JAK1: variants seen among roughly 807,000 people sequenced by gnomAD.
The protein encoded by JAK1 is Janus kinase 1, also known as tyrosine-protein kinase JAK1.
Under a neutral mutation model 136.6 loss-of-function variants are expected in JAK1, and 16 were observed. The ratio of observed to expected loss-of-function variants is 0.12; its 90% confidence interval spans 0.08 to 0.18. JAK1 has a LOEUF of 0.18. Ranked by LOEUF, JAK1 falls within the 10% of genes least tolerant of loss-of-function variation. The pLI, the probability that JAK1 is intolerant of heterozygous loss-of-function variation, is 1.00. For missense variants in JAK1, 859 were observed against 1,450.1 expected, an observed-to-expected ratio of 0.59 and a Z score of 6.62; for synonymous variants, 492 against 519.5, an observed-to-expected ratio of 0.95 and a Z score of 0.72.
chr1:64,835,588 C>A, intron 23 of JAK1, 82 bp from the exon 24 acceptor site: 1 of 829,092 alleles, frequency 1.2e-6, no homozygotes, highest in Non-Finnish European at 2.0e-6. Context: ...GAAATTTCTA[C>A]AATCAACTGG....
upstream of JAK1, among the ~76,000 whole-genome samples, chr1:64,968,590 A>G (rs1313768085): frequency 6.6e-6 from 1 of 151,898 alleles, no homozygotes; most frequent in Non-Finnish European, 1.5e-5. Flanking sequence ...GGAGTTTGAC[A>G]CCAACTTGGG....
At chr1:64,845,184 G>A (rs905062634) in intron 15 of JAK1, among the ~76,000 whole-genome samples, 5 of 152,128 alleles carry the variant, frequency 3.3e-5, no homozygotes, top group East Asian at 1.9e-4. Context: ...CACTCCACAC[G>A]TCAGCTACTA....
chr1:65,033,941 T>C (rs1051660051), intron 2 of JAK1, among the ~76,000 whole-genome samples: 15 of 152,180 alleles, frequency 9.9e-5, no homozygotes, highest in Non-Finnish European at 1.5e-5. Context: ...CTTGTGTAAT[T>C]GTAATAAGGA....
intron 1 of JAK1, among the ~76,000 whole-genome samples, chr1:64,957,217 AAC>A (rs915054577): frequency 2.7e-4 from 41 of 152,260 alleles, no homozygotes; most frequent in Admixed American, 8.5e-4. Flanking sequence ...CTCTAGGGGC[AAC>A]AGTGAGTGGA....
chr1:64,910,155 T>C (rs552405273), intron 1 of JAK1, among the ~76,000 whole-genome samples: 1 of 152,328 alleles, frequency 6.6e-6, no homozygotes, highest in South Asian at 2.1e-4. Flanking sequence ...ACCCACAAGA[T>C]TCCAAGGCAG....
intron 7 of JAK1, among the ~76,000 whole-genome samples, chr1:64,866,360 C>CCT (rs1273064188): frequency 6.6e-6 from 1 of 152,174 alleles, no homozygotes; most frequent in Non-Finnish European, 1.5e-5. Flanking sequence ...ATAAATATCT[C>CCT]ATAAAGAAGC....
chr1:64,931,147 T>TA (rs1423696919), intron 1 of JAK1, among the ~76,000 whole-genome samples: 9 of 151,900 alleles, frequency 5.9e-5, no homozygotes, highest in Admixed American at 2.6e-4. Context: ...TAATGTATAA[T>TA]AAAAAAAATA....
At position 65,045,601 on chromosome 1, in the gene JAK1, G is replaced by C. The variant is rs183504879; in HGVS notation, c.-180-1019C>G. 1.6e-3 allele frequency among the ~76,000 whole-genome samples: 251 copies of C among 152,286 alleles called. 5 individuals carry two copies. The highest frequency in any genetic ancestry group is 0.016 in the Admixed American group (246 of 15,296). ...GCCACAGTTTCTGCATCTGTGCAAT[G>C]GTGATGATGACAGTGCCCTCCTCAT... is the stretch of plus-strand genomic sequence containing the variant. On this transcript the variant is annotated intron_variant, in intron 1 of 25. Coordinates refer to the JAK1 transcript ENST00000671954.
At chr1:65,052,783 C>T (rs180947573) in intron 1 of JAK1, among the ~76,000 whole-genome samples, 1 of 147,920 alleles carries the variant, frequency 6.8e-6, no homozygotes, top group East Asian at 2.0e-4. Flanking sequence ...CACTGCACTC[C>T]AGCCTGGGCG....
At chr1:64,847,429 C>G (rs557968696) in intron 13 of JAK1, 103 bp downstream of exon 13, 3 of 1,413,912 alleles carry the variant, frequency 2.1e-6, no homozygotes, top group African/African-American at 1.4e-5. Flanking sequence ...AGTTTGAAAA[C>G]CACTGGGCCA....
rs578039719 is a variant in JAK1 at position 64,848,325 on chromosome 1, A to G, written c.1756-650T>C. ...GAAGCCCTCTGGCACAGGTAGGCAC[A>G]GTTTCTCACACTGGAACCATCTGTT... On this transcript the variant is annotated intron_variant, in intron 12 of 24. Coordinates refer to ENST00000342505, the MANE Select transcript of JAK1 (RefSeq NM_002227.4). Among the ~76,000 whole-genome samples the G allele has an allele frequency of 6.6e-5, 10 of 152,330 alleles. No homozygotes were observed. The South Asian group carries it at 2.1e-3, about 32-fold the overall frequency.
In JAK1 at chr1:64,913,802, G is replaced by C. The variant is rs544407718; in HGVS notation, c.-77-27461C>G. On this transcript the variant is annotated intron_variant, in intron 1 of 24. Transcript: ENST00000342505. ...CTCCATATAAGGGTGGATCAGACGA[G>C]GTTTCACAGAGAATGTCCTGGGGCT... Among the ~76,000 whole-genome samples, 25 of 152,020 alleles carry C rather than the reference G, an allele frequency of 1.6e-4. 1 individual carries two copies. In the East Asian group the frequency reaches 3.9e-3, roughly 24 times the overall value.
At position 64,841,581 on chromosome 1, in the gene JAK1, G is replaced by A. The variant is rs1654911156; in HGVS notation, c.2424C>T (p.Ser808=). 6.2e-7 allele frequency: 1 copy of A among 1,614,068 alleles called. No homozygotes were observed. The highest frequency in any genetic ancestry group is 1.7e-4 in the Middle Eastern group (1 of 5,970). The change falls in exon 18 of 25, where the codon AGC becomes AGT. Residue 808 remains serine (S), a synonymous_variant. Transcript: ENST00000342505. ...TLIEKERFYE[S]RCRPVTPSCK... is the part of the protein sequence containing the mutation. ...ATGATGGTGTCACTGGCCTGCACCG[G>A]CTTTCATAGAATCTCTCTTTCTGTA...
chr1:64,951,610 T>A (rs2100577761), intron 1 of JAK1, among the ~76,000 whole-genome samples: 1 of 144,904 alleles, frequency 6.9e-6, no homozygotes, highest in African/African-American at 2.5e-5. Flanking sequence ...CACACTCAAA[T>A]AAATACACCA....
intron 2 of JAK1, among the ~76,000 whole-genome samples, chr1:65,037,805 G>A (rs1255521294): frequency 6.6e-6 from 1 of 152,188 alleles, no homozygotes; most frequent in Non-Finnish European, 1.5e-5. Context: ...GGTCAAGGCT[G>A]CAGTGAGCTG....
chr1:64,844,699 T>C lies in JAK1; in HGVS notation c.2251+55A>G. On this transcript the variant is annotated intron_variant, in intron 16 of 24. Coordinates refer to ENST00000342505, the MANE Select transcript of JAK1 (RefSeq NM_002227.4). The surrounding 1 kb of genome is among the most constrained non-coding windows in gnomAD (Gnocchi z 5.7). ...CCAACCCCAGCCCAGCCCTTCTCTC[T>C]GCTGACTTGCCCCTGACTCGGGGTG... The C allele has an allele frequency of 6.2e-7, 1 of 1,609,846 alleles. No homozygotes were observed. The highest frequency in any genetic ancestry group is 8.5e-7 in the Non-Finnish European group (1 of 1,177,074).
At chr1:64,975,131 C>T (rs111306628) in intron 2 of JAK1, among the ~76,000 whole-genome samples, 7,947 of 151,912 alleles carry the variant, frequency 0.052, 290 homozygotes, top group South Asian at 0.11. Context: ...CTACATTGCC[C>T]GGGCTGGAGT....
intron 1 of JAK1, among the ~76,000 whole-genome samples, chr1:64,920,408 C>T (rs755037145): frequency 7.9e-5 from 12 of 152,126 alleles, no homozygotes; most frequent in African/African-American, 2.4e-4. Context: ...GGTGTGGTGG[C>T]ACATACCTGT....
Position 65,036,579 on chromosome 1 carries a change from T to A in JAK1, c.-78+7901A>T, listed in dbSNP as rs114701196. 6.9e-3 allele frequency among the ~76,000 whole-genome samples: 1,045 copies of A among 152,352 alleles called. 6 individuals carry two copies. Among genetic ancestry groups the A allele is most frequent in the African/African-American group, 0.024 (1,014 of 41,576 alleles). On this transcript the variant is annotated intron_variant, in intron 2 of 25. Coordinates refer to the JAK1 transcript ENST00000671954. ...GCACATTGTATCTTCGTGACTGCCC[T>A]ATGTGCTTATTAACATAACTGCTTT...
Sources: allele counts gnomAD v4.1 joint callset (sites outside exome capture counted in the v4.1 genomes callset), GRCh38; gene constraint gnomAD v4.1.1; non-coding constraint Gnocchi (gnomAD v3.1); transcripts MANE v1.5; gene names NCBI Gene and HGNC (gene_info 2026-07-23, HGNC 2026-07-21).